The following SH3PXD2B variants were observed in gnomAD, a reference collection of about 807,000 sequenced individuals.
The protein encoded by SH3PXD2B is SH3 and PX domains 2B.
SH3PXD2B carries 37 observed loss-of-function variants against 73.1 expected under a neutral mutation model. The ratio of observed to expected loss-of-function variants is 0.51; its 90% CI spans 0.39 to 0.67. The LOEUF (loss-of-function observed/expected upper bound fraction) is 0.67, where lower values mean the gene tolerates loss of function less well. Among genes scored for constraint, SH3PXD2B ranks in the 30% least tolerant of loss-of-function variants. The pLI is 0.00. For missense variants in SH3PXD2B, 1,053 were observed against 1,197.8 expected (o/e 0.88, Z 1.78); for synonymous variants, 457 against 480.5 (o/e 0.95, Z 0.64).
At chr5:172,329,059 G>GTGTA (rs1554133352), downstream of SH3PXD2B, among the ~76,000 whole-genome samples, 8 of 96,888 alleles carry the variant, frequency 8.3e-5, no homozygotes, top group East Asian at 3.0e-4. Flanking sequence ...GTGTGTGTGT[G>GTGTA]TATATATATA....
At chr5:172,402,140 G>T (rs1425124691) in intron 3 of SH3PXD2B, among the ~76,000 whole-genome samples, 2 of 152,138 alleles carry the variant, frequency 1.3e-5, no homozygotes, top group Non-Finnish European at 2.9e-5. Context: ...GCATTCCTAG[G>T]GGGAGGTATC....
At chr5:172,375,891 C>T (rs1038081924) in intron 5 of SH3PXD2B, among the ~76,000 whole-genome samples, 1 of 152,154 alleles carries the variant, frequency 6.6e-6, no homozygotes, top group Admixed American at 6.5e-5. Context: ...ATTGCTAGGT[C>T]ATATGGTAAC....
rs547501774 is a variant in SH3PXD2B, at chr5:172,431,361, T to G, written c.76-8865A>C. ...ACACTAGGTCTGCAGAGAGGATAAG[T>G]GAAGGAGAGGTGTGGGGAGAAGAGC... is the stretch of plus-strand genomic sequence containing the variant. On this transcript the variant is annotated intron_variant, in intron 1 of 12. Transcript: ENST00000311601. Among the ~76,000 whole-genome samples, 15 of 152,256 alleles carry G rather than the reference T, an allele frequency of 9.9e-5. No individual in the cohort carries two copies. In the South Asian group the frequency reaches 3.1e-3, roughly 32 times the overall value.
Position 172,335,413 on chromosome 5 carries a change from C to G in SH3PXD2B, c.*2956G>C. ...TAATGGCAGAGAAAAGTCATGGACA[C>G]GAGGGAAAGAACAACAACAACAAAA... On this transcript the variant is annotated 3_prime_UTR_variant, in exon 13 of 13. Coordinates refer to ENST00000311601, the MANE Select transcript of SH3PXD2B (RefSeq NM_001017995.3). The G allele has an allele frequency of 8.2e-6, 10 of 1,216,504 alleles. No individual in the cohort carries two copies. In the South Asian group the frequency reaches 1.8e-4, roughly 22 times the overall value. The allele number at this position is 1,216,504 out of a possible 1,614,324, so 75.4% of individuals were successfully genotyped here.
chr5:172,346,777 TA>T (rs202079505), intron 11 of SH3PXD2B, among the ~76,000 whole-genome samples: 1,923 of 151,520 alleles, frequency 0.013, 15 homozygotes, highest in Middle Eastern at 0.024. Flanking sequence ...TAGCAGACAT[TA>T]AAAAAATACA....
At chr5:172,394,707 G>T in intron 3 of SH3PXD2B, 68 bp from the exon 4 acceptor site, 2 of 1,530,652 alleles carry the variant, frequency 1.3e-6, no homozygotes, top group Non-Finnish European at 1.8e-6. Flanking sequence ...ACCTGAGAGG[G>T]TGTGGACATG....
chr5:172,425,539 G>A (rs771935568), intron 1 of SH3PXD2B, among the ~76,000 whole-genome samples: 7 of 152,154 alleles, frequency 4.6e-5, no homozygotes, highest in Non-Finnish European at 8.8e-5. Flanking sequence ...AAGTGGGAAC[G>A]AAGATGTGGC....
chr5:172,404,709 T>C lies in SH3PXD2B; in HGVS notation c.232+1568A>G, dbSNP rs189556343. ...ATAGTAAGTGCTTGATAGCTGTTAG[T>C]GACCTGCCAGGCATTTACAGAATCA... On this transcript the variant is annotated intron_variant, in intron 3 of 12. Transcript: ENST00000311601. 2.3e-3 allele frequency among the ~76,000 whole-genome samples: 348 copies of C among 152,358 alleles called. 6 individuals are homozygous for C. The highest frequency in any genetic ancestry group is 0.019 in the Admixed American group (291 of 15,304).
At chr5:172,367,494 C>G (rs986578571) in intron 6 of SH3PXD2B, among the ~76,000 whole-genome samples, 2 of 151,676 alleles carry the variant, frequency 1.3e-5, no homozygotes, top group African/African-American at 4.8e-5. Flanking sequence ...TCCCAAAGTG[C>G]TGGGATTACA....
intron 6 of SH3PXD2B, among the ~76,000 whole-genome samples, chr5:172,363,584 C>T (rs1201950514): frequency 6.6e-6 from 1 of 152,056 alleles, no homozygotes; most frequent in Admixed American, 6.6e-5. Flanking sequence ...GCAAGACCTC[C>T]CTAAGGAGGT....
intron 4 of SH3PXD2B, among the ~76,000 whole-genome samples, chr5:172,382,368 G>A (rs892587598): frequency 8.5e-5 from 13 of 152,180 alleles, no homozygotes; most frequent in Admixed American, 6.5e-4. Context: ...GGAAGGAGAC[G>A]GGTGTTAGGA....
rs762620698 is a variant in SH3PXD2B at position 172,339,776 on chromosome 5, C to T, written c.1329G>A (p.Glu443=). The stretch of plus-strand genomic sequence containing the variant: ...CTTCCCCCAGCCGGAGCTGGGTCAC[C>T]TCGTGGGGCAGGGGAGCCAGAAAGT... The part of the protein sequence containing the change: ...RPNFLAPLPH[E]VTQLRLGEAA... Residue 443 remains glutamate (E), a synonymous_variant, in exon 13 of 13, where the codon GAG becomes GAA. Transcript: ENST00000311601. This position sits in a 1 kb window ranked among gnomAD's most constrained non-coding sequence, Gnocchi z 6.1. 1.2e-6 allele frequency: 2 copies of T among 1,613,272 alleles called. No homozygotes were observed. Among genetic ancestry groups the T allele is most frequent in the East Asian group, 2.2e-5 (1 of 44,870 alleles).
intron 6 of SH3PXD2B, among the ~76,000 whole-genome samples, chr5:172,363,707 A>G (rs559873194): frequency 2.8e-4 from 43 of 152,090 alleles, no homozygotes; most frequent in Non-Finnish European, 5.6e-4. Context: ...GACTGGAAGG[A>G]GGCTAGGTGA....
intron 9 of SH3PXD2B, among the ~76,000 whole-genome samples, chr5:172,352,641 T>C (rs774747476): frequency 3.3e-5 from 5 of 152,194 alleles, no homozygotes; most frequent in Admixed American, 6.5e-5. Flanking sequence ...AACTGAATCA[T>C]GGGGGCCAGT....
At position 172,334,443 on chromosome 5, in the gene SH3PXD2B, T is replaced by C; in HGVS notation, c.*3926A>G. 8.1e-6 allele frequency: 8 copies of C among 988,152 alleles called. No individual in the cohort carries two copies. The highest frequency in any genetic ancestry group is 9.6e-6 in the Non-Finnish European group (8 of 832,092). The allele number at this position is 988,152 out of a possible 1,614,324, so 61.2% of individuals were successfully genotyped here. A position where few individuals can be genotyped will look rare whatever the true frequency, so the allele number is the denominator to read the frequency against. ...GCCCACAGTCTGACACGAGGTCATC[T>C]TTGGTCTGTGGTGAGGTATGGATGT... On this transcript the variant is annotated 3_prime_UTR_variant, in exon 13 of 13. Coordinates refer to ENST00000311601, the MANE Select transcript of SH3PXD2B (RefSeq NM_001017995.3).
chr5:172,368,950 A>G (rs1014921093), intron 6 of SH3PXD2B, among the ~76,000 whole-genome samples: 3 of 147,912 alleles, frequency 2.0e-5, no homozygotes, highest in Non-Finnish European at 4.4e-5. Context: ...GCTGGAGTAC[A>G]ATGGTGCAAT....
chr5:172,376,066 G>A (rs1757815691), intron 5 of SH3PXD2B, among the ~76,000 whole-genome samples: 1 of 142,146 alleles, frequency 7.0e-6, no homozygotes, highest in Non-Finnish European at 1.5e-5. Context: ...GTCTCACTCT[G>A]TTGCGCAGGC....
Position 172,339,991 on chromosome 5 carries a change from T to A in SH3PXD2B, c.1189-75A>T, listed in dbSNP as rs900365740. ...AGATGGAATGGTTTGGCAGAACCCA[T>A]GTGCAACTGGAGCTCTAGAAGCTGT... On this transcript the variant is annotated intron_variant, in intron 12 of 12. Transcript: ENST00000311601. The surrounding 1 kb of genome is among the most constrained non-coding windows in gnomAD (Gnocchi z 6.1). 1 of 1,591,658 alleles carries A rather than the reference T, an allele frequency of 6.3e-7. No homozygotes were observed. The highest frequency in any genetic ancestry group is 1.3e-5 in the African/African-American group (1 of 74,162).
intron 8 of SH3PXD2B, among the ~76,000 whole-genome samples, chr5:172,354,899 C>T (rs1046959097): frequency 1.2e-4 from 18 of 152,196 alleles, no homozygotes; most frequent in Non-Finnish European, 2.6e-4. Flanking sequence ...CCCCCAGCTG[C>T]GTCCCTCCCA....
Sources: allele counts gnomAD v4.1 joint callset (sites outside exome capture counted in the v4.1 genomes callset), GRCh38; gene constraint gnomAD v4.1.1; non-coding constraint Gnocchi (gnomAD v3.1); transcripts MANE v1.5; gene names NCBI Gene and HGNC (gene_info 2026-07-23, HGNC 2026-07-21).